Variants in PDE4A observed in about 807,000 individuals in gnomAD.
PDE4A encodes phosphodiesterase 4A.
In PDE4A, 21 loss-of-function variants were observed where a neutral mutation model predicts 73.9. The ratio of observed to expected loss-of-function variants is 0.28; its 90% CI spans 0.20 to 0.41. The LOEUF (loss-of-function observed/expected upper bound fraction) is 0.41. Ranked by LOEUF, PDE4A falls within the 10% of genes least tolerant of loss-of-function variation. PDE4A has a pLI of 1.00. For synonymous variants in PDE4A, 463 were observed against 505.4 expected, an observed-to-expected ratio of 0.92 and a Z score of 1.13; for missense variants, 958 against 1,211.4, an observed-to-expected ratio of 0.79 and a Z score of 3.10.
intron 1 of PDE4A, among the ~76,000 whole-genome samples, chr19:10,422,116 GTGAC>G (rs1484056162): frequency 6.6e-6 from 1 of 152,148 alleles, no homozygotes; most frequent in African/African-American, 2.4e-5. Context: ...TTGGGATAGA[GTGAC>G]TGTTTCTGCT....
rs1031544760 is a variant in PDE4A at position 10,424,656 on chromosome 19, G to A, written c.320+3572G>A. On this transcript the variant is annotated intron_variant, in intron 1 of 14. Transcript: ENST00000380702. This position sits in a 1 kb window ranked among gnomAD's most constrained non-coding sequence, Gnocchi z 4.8. ...AGAGCGGGCGCCAGGCCGGCTGACC[G>A]CAGGCTGCGTGTGGGGTCCTCGCCC... Among the ~76,000 whole-genome samples, 3 of 152,218 alleles carry A rather than the reference G, an allele frequency of 2.0e-5. No homozygotes were observed. The highest frequency in any genetic ancestry group is 4.4e-5 in the Non-Finnish European group (3 of 68,034).
chr19:10,466,932 G>A lies in PDE4A; in HGVS notation c.1972G>A (p.Ala658Thr), dbSNP rs200617126. Reference protein sequence around the residue: ...YIVHPLWETWADLVHPDAQEI... With the variant: ...YIVHPLWETWTDLVHPDAQEI... Reference sequence around the variant, plus strand: ...TGTGCACCCATTGTGGGAGACCTGGGCGGACCTTGTCCACCCAGATGCCCA... The same window carrying A: ...TGTGCACCCATTGTGGGAGACCTGGACGGACCTTGTCCACCCAGATGCCCA... Residue 658 changes from alanine (A) to threonine (T), a missense_variant, in exon 15 of 15, where the codon GCG becomes ACG. Ala to Thr is a moderately conservative substitution (Grantham distance 58). Transcript: ENST00000380702. 1 of 1,614,136 alleles carries A rather than the reference G, an allele frequency of 6.2e-7. No individual in the cohort carries two copies. The highest frequency in any genetic ancestry group is 2.2e-5 in the East Asian group (1 of 44,884).
upstream of PDE4A, chr19:10,417,657 C>G (rs1429289155): frequency 6.3e-7 from 1 of 1,591,124 alleles, no homozygotes; most frequent in Admixed American, 1.7e-5. Context: ...TGTCCCTCCC[C>G]AGAGGTCGAG....
At chr19:10,419,056 C>CTTTTTTTTTTT, upstream of PDE4A, 1 of 816,836 alleles carries the variant, frequency 1.2e-6, no homozygotes, top group Non-Finnish European at 1.4e-6. Context: ...GACCGGCAGT[C>CTTTTTTTTTTT]TTTTTTTTTT....
At chr19:10,448,862 C>T in intron 2 of PDE4A, 55 bp from the exon 3 acceptor site, 2 of 1,610,592 alleles carry the variant, frequency 1.2e-6, no homozygotes, top group South Asian at 2.2e-5. Flanking sequence ...AGGGCATCTA[C>T]CCCAGACAGT....
Position 10,453,040 on chromosome 19 carries a change from G to T in PDE4A, c.784-1789G>T. 8 of 1,339,596 alleles carry T rather than the reference G, an allele frequency of 6.0e-6. No homozygotes were observed. Among genetic ancestry groups the T allele is most frequent in the Non-Finnish European group, 6.7e-6 (7 of 1,047,088 alleles). 83.0% of individuals were successfully genotyped at this position (1,339,596 alleles called of 1,614,324 possible). A position where few individuals can be genotyped will look rare whatever the true frequency, so the allele number is the denominator to read the frequency against. ...ACCGCCTCCACCCACTGCCGCGGGG[G>T]GGCCCGTTGGGGCCCAGGGCTGGCG... On this transcript the variant is annotated intron_variant, in intron 6 of 14. Coordinates refer to ENST00000380702, the MANE Select transcript of PDE4A (RefSeq NM_001111307.2). The surrounding 1 kb of genome is among the most constrained non-coding windows in gnomAD (Gnocchi z 4.6).
intron 1 of PDE4A, chr19:10,428,992 CT>C: frequency 1.8e-6 from 1 of 543,378 alleles, no homozygotes; most frequent in Non-Finnish European, 2.3e-6. Flanking sequence ...GTAATCCCAG[CT>C]ACTTGGGAGG....
intron 1 of PDE4A, among the ~76,000 whole-genome samples, chr19:10,443,954 C>T (rs955996199): frequency 6.7e-6 from 1 of 149,654 alleles, no homozygotes; most frequent in Non-Finnish European, 1.5e-5. Context: ...TTGCAATGAG[C>T]CAAGATCGCA....
intron 14 of PDE4A, among the ~76,000 whole-genome samples, chr19:10,465,076 C>T (rs1247235506): frequency 6.6e-6 from 1 of 152,048 alleles, no homozygotes; most frequent in East Asian, 1.9e-4. Flanking sequence ...TGTCTCTACC[C>T]GTCCAGACCT....
intron 7 of PDE4A, among the ~76,000 whole-genome samples, chr19:10,456,249 C>T (rs1367440474): frequency 1.3e-5 from 2 of 151,856 alleles, no homozygotes; most frequent in African/African-American, 4.8e-5. Context: ...AAAACTAGGC[C>T]GGGCGCAGTG....
At chr19:10,425,984 CAAAAAAA>C (rs1168197109) in intron 1 of PDE4A, among the ~76,000 whole-genome samples, 21 of 48,390 alleles carry the variant, frequency 4.3e-4, no homozygotes, top group South Asian at 7.8e-4. Flanking sequence ...GAGACCCTGT[CAAAAAAA>C]AAAAAAAAAA....
At position 10,467,757 on chromosome 19, in the gene PDE4A, T is replaced by C; in HGVS notation, c.*136T>C. 1.6e-6 allele frequency: 1 copy of C among 642,006 alleles called. No homozygotes were observed. The highest frequency in any genetic ancestry group is 2.4e-6 in the Non-Finnish European group (1 of 419,790). The allele number at this position is 642,006 out of a possible 1,614,324, so 39.8% of individuals were successfully genotyped here. ...AAAAGAAAACGAAAAGTGGGGTTTT[T>C]TTCTGTTTTCTTTTTTTCCCCTTTC... On this transcript the variant is annotated 3_prime_UTR_variant, in exon 15 of 15. Transcript: ENST00000380702.
chr19:10,467,287 C>T lies in PDE4A; in HGVS notation c.2327C>T (p.Ala776Val). The T allele has an allele frequency of 6.2e-7, 1 of 1,614,202 alleles. No homozygotes were observed. Among genetic ancestry groups the T allele is most frequent in the Non-Finnish European group, 8.5e-7 (1 of 1,180,036 alleles). ...QEASLEAELEAVYLTQQAQST... is the reference protein window; with the variant it reads ...QEASLEAELEVVYLTQQAQST... ...GCATCCCTGGAGGCCGAGCTGGAGG[C>T]AGTGTATTTGACACAGCAGGCACAG... The change falls in exon 15 of 15, where the codon GCA becomes GTA. Residue 776 changes from alanine to valine, a missense_variant. Physicochemically the swap from Ala to Val is moderately conservative, Grantham distance 64. Coordinates refer to ENST00000380702, the MANE Select transcript of PDE4A (RefSeq NM_001111307.2).
At position 10,458,326 on chromosome 19, in the gene PDE4A, C is replaced by T. The variant is rs2043204862; in HGVS notation, c.1101+224C>T. On this transcript the variant is annotated intron_variant, in intron 8 of 14. Coordinates refer to ENST00000380702, the MANE Select transcript of PDE4A (RefSeq NM_001111307.2). This position sits in a 1 kb window ranked among gnomAD's most constrained non-coding sequence, Gnocchi z 4.6. Reference sequence around the variant, plus strand: ...TGGACGTATCACCTCTTGCATGTAGCTCCTGTTGGGACTAGTCTTCTGGAA... The same window carrying T: ...TGGACGTATCACCTCTTGCATGTAGTTCCTGTTGGGACTAGTCTTCTGGAA... Among the ~76,000 whole-genome samples, 1 of 152,210 alleles carries T rather than the reference C, an allele frequency of 6.6e-6. No homozygotes were observed. Among genetic ancestry groups the T allele is most frequent in the East Asian group, 1.9e-4 (1 of 5,202 alleles).
chr19:10,459,660 G>A lies in PDE4A; in HGVS notation c.1266G>A (p.Leu422=). 6.2e-7 allele frequency: 1 copy of A among 1,614,228 alleles called. No individual in the cohort carries two copies. Among genetic ancestry groups the A allele is most frequent in the East Asian group, 2.2e-5 (1 of 44,886 alleles). Residue 422 remains leucine, a synonymous_variant, in exon 10 of 15, where the codon CTG becomes CTA. Coordinates refer to ENST00000380702, the MANE Select transcript of PDE4A (RefSeq NM_001111307.2). ...CGATGGTGACATACATGCTGACGCT[G>A]GAGGATCACTACCACGCTGACGTGG... ...VDTMVTYMLT[L]EDHYHADVAY...
chr19:10,466,755 A>G (rs2043380047), intron 14 of PDE4A, 132 bp from the exon 15 acceptor site: 1 of 1,403,746 alleles, frequency 7.1e-7, no homozygotes, highest in Non-Finnish European at 9.6e-7. Flanking sequence ...CAGCCTCCCA[A>G]AGTGCTGGGA....
chr19:10,422,669 C>T (rs1159357986), intron 1 of PDE4A, among the ~76,000 whole-genome samples: 2 of 152,150 alleles, frequency 1.3e-5, no homozygotes, highest in African/African-American at 2.4e-5. Flanking sequence ...AGGCCACCCC[C>T]ACCTCTGTTC....
intron 1 of PDE4A, among the ~76,000 whole-genome samples, chr19:10,421,738 G>A (rs568740636): frequency 6.6e-6 from 1 of 152,302 alleles, no homozygotes; most frequent in East Asian, 1.9e-4. Context: ...GTGGAGGGGG[G>A]GCGCAGTCCC....
rs1455793841 is a variant in PDE4A, at chr19:10,469,095, T to C, written c.*1474T>C. 1 of 152,688 alleles carries C rather than the reference T, an allele frequency of 6.5e-6. No homozygotes were observed. Among genetic ancestry groups the C allele is most frequent in the Non-Finnish European group, 1.5e-5 (1 of 68,056 alleles). 9.5% of individuals were successfully genotyped at this position (152,688 alleles called of 1,614,324 possible). A position where few individuals can be genotyped will look rare whatever the true frequency, so the allele number is the denominator to read the frequency against. On this transcript the variant is annotated 3_prime_UTR_variant, in exon 15 of 15. Coordinates refer to ENST00000380702, the MANE Select transcript of PDE4A (RefSeq NM_001111307.2). ...TGATGCTGTCTGTACAGGGTTCATA[T>C]TTTGTAGCGAAAGTCGTTTTTGTCC...
Sources: gnomAD v4.1 joint callset for allele counts (sites outside exome capture counted in the v4.1 genomes callset) on GRCh38, gnomAD v4.1.1 for gene constraint, Gnocchi (gnomAD v3.1) non-coding constraint, MANE v1.5 for transcripts, NCBI Gene and HGNC (gene_info 2026-07-23, HGNC 2026-07-21) for gene names.